The following DNMBP variants were observed in gnomAD, a reference collection of about 807,000 sequenced individuals.
DNMBP encodes the protein dynamin-binding protein.
Under a neutral mutation model 150.0 loss-of-function variants are expected in DNMBP, and 87 were observed. The ratio of observed to expected loss-of-function variants is 0.58; its 90% CI spans 0.49 to 0.69. The LOEUF is 0.69. DNMBP is among the 30% of genes least tolerant of loss of function. DNMBP has a pLI of 0.00. For synonymous variants in DNMBP, 711 were observed against 750.4 expected, an observed-to-expected ratio of 0.95 and a Z score of 0.86; for missense variants, 1,774 against 1,949.0, an observed-to-expected ratio of 0.91 and a Z score of 1.69.
intron 4 of DNMBP, among the ~76,000 whole-genome samples, chr10:99,945,175 C>CA (rs947720324): frequency 4.7e-4 from 71 of 150,992 alleles, no homozygotes; most frequent in South Asian, 1.0e-3. Context: ...AAATCAAAAA[C>CA]AAAAAAAACA....
At chr10:99,968,749 C>T (rs111653482) in intron 3 of DNMBP, among the ~76,000 whole-genome samples, 1 of 151,120 alleles carries the variant, frequency 6.6e-6, no homozygotes, top group Non-Finnish European at 1.5e-5. Flanking sequence ...AGCATGGGGG[C>T]ATTGGAAAGA....
intron 4 of DNMBP, among the ~76,000 whole-genome samples, chr10:99,931,798 T>G (rs1216813792): frequency 6.6e-6 from 1 of 152,144 alleles, no homozygotes; most frequent in Non-Finnish European, 1.5e-5. Context: ...TAAAGAAAGA[T>G]CTAATGTGAT....
At chr10:99,997,919 C>A (rs1393889810) in intron 1 of DNMBP, among the ~76,000 whole-genome samples, 1 of 94,078 alleles carries the variant, frequency 1.1e-5, no homozygotes, top group Non-Finnish European at 1.9e-5. Flanking sequence ...CAGAATGAGA[C>A]TCTGTCTCAA....
rs2040506773 is a variant in DNMBP, at chr10:99,957,032, C to T, written c.442G>A (p.Gly148Arg). Residue 148 changes from glycine (G) to arginine (R), a missense_variant, in exon 4 of 17, where the codon GGA becomes AGA. By Grantham distance (125) the Gly-to-Arg change is moderately radical (BLOSUM62 -2). Coordinates refer to ENST00000324109, the MANE Select transcript of DNMBP (RefSeq NM_015221.4). ...ALFQIPEYSMGQARALMGLSA... is the reference protein window; with the variant it reads ...ALFQIPEYSMRQARALMGLSA... Reference sequence around the variant, plus strand: ...AGCCCCATTAGGGCCCGGGCTTGTCCCATGGAATATTCCGGAATCTGAAAC... The same window carrying T: ...AGCCCCATTAGGGCCCGGGCTTGTCTCATGGAATATTCCGGAATCTGAAAC... The T allele has an allele frequency of 6.2e-7, 1 of 1,614,090 alleles. No homozygotes were observed. The highest frequency in any genetic ancestry group is 1.7e-5 in the Admixed American group (1 of 60,006).
At chr10:99,971,269 A>G (rs1564750502) in intron 2 of DNMBP, among the ~76,000 whole-genome samples, 2 of 152,024 alleles carry the variant, frequency 1.3e-5, no homozygotes, top group Admixed American at 1.3e-4. Flanking sequence ...AGGATTCTGA[A>G]ATTTATTGAC....
chr10:99,882,214 G>A (rs1376665192), intron 15 of DNMBP, among the ~76,000 whole-genome samples: 1 of 152,166 alleles, frequency 6.6e-6, no homozygotes, highest in East Asian at 1.9e-4. Context: ...AGAGGCTGGG[G>A]GTGGTGGAAG....
rs75466655 is a variant in DNMBP at position 99,913,301 on chromosome 10, A to G, written c.2261-4155T>C. Among the ~76,000 whole-genome samples, 15 of 152,218 alleles carry G rather than the reference A, an allele frequency of 9.9e-5. No individual in the cohort carries two copies. In the East Asian group the frequency reaches 1.7e-3, roughly 18 times the overall value. ...TCTTGGCCTCAATTTCCCAATCTAT[A>G]AAATGAGGATAATAATACTTGCTTT... On this transcript the variant is annotated intron_variant, in intron 4 of 16. Transcript: ENST00000324109.
intron 4 of DNMBP, among the ~76,000 whole-genome samples, chr10:99,924,042 T>G (rs917513290): frequency 7.2e-5 from 11 of 152,120 alleles, no homozygotes; most frequent in Non-Finnish European, 1.0e-4. Flanking sequence ...TAATCCCAGC[T>G]ACTCGGGAGG....
At chr10:99,998,002 A>G (rs1486456501) in intron 1 of DNMBP, among the ~76,000 whole-genome samples, 1 of 148,650 alleles carries the variant, frequency 6.7e-6, no homozygotes, top group Admixed American at 6.8e-5. Flanking sequence ...TTGGGAGGCC[A>G]AGGTGGGCAG....
intron 3 of DNMBP, among the ~76,000 whole-genome samples, chr10:99,965,717 G>A (rs984709831): frequency 2.0e-5 from 3 of 151,952 alleles, no homozygotes; most frequent in African/African-American, 7.3e-5. Context: ...GGCTGGTCTC[G>A]AACTCCTTAC....
At position 99,955,696 on chromosome 10, in the gene DNMBP, G is replaced by A. The variant is rs111969797; in HGVS notation, c.1778C>T (p.Ser593Leu). 6.6e-4 allele frequency: 1,066 copies of A among 1,614,216 alleles called. No individual in the cohort carries two copies. The highest frequency in any genetic ancestry group is 5.9e-3 in the African/African-American group (442 of 75,074). The change falls in exon 4 of 17, where the codon TCA (serine) becomes TTA (leucine). Residue 593 changes from serine to leucine, a missense_variant. Coordinates refer to ENST00000324109, the MANE Select transcript of DNMBP (RefSeq NM_015221.4). ...NSEKDIVRGS[S>L]KLITEQELPE... is the part of the protein sequence containing the mutation. ...CAGCTCCTGCTCGGTGATTAACTTT[G>A]AGGAACCTCGGACAATATCCTTCTC...
intron 11 of DNMBP, 115 bp from the exon 12 acceptor site, chr10:99,889,068 T>C (rs1037647179): frequency 3.3e-6 from 4 of 1,219,114 alleles, no homozygotes; most frequent in Non-Finnish European, 4.5e-6. Context: ...TTTGAAATTT[T>C]CTAACTAGTC....
intron 6 of DNMBP, among the ~76,000 whole-genome samples, chr10:99,903,105 T>TTC (rs2039770627): frequency 6.7e-6 from 1 of 149,042 alleles, no homozygotes; most frequent in Admixed American, 6.7e-5. Context: ...TGGGCAATTT[T>TTC]TTTTTTTTTT....
At chr10:99,965,211 A>G (rs1030230491) in intron 3 of DNMBP, among the ~76,000 whole-genome samples, 1 of 152,094 alleles carries the variant, frequency 6.6e-6, no homozygotes, top group African/African-American at 2.4e-5. Context: ...TAGGTATTAT[A>G]TTATTATCCT....
chr10:99,907,999 A>C lies in DNMBP; in HGVS notation c.2550T>G (p.Ala850=). 1 of 1,613,376 alleles carries C rather than the reference A, an allele frequency of 6.2e-7. No individual in the cohort carries two copies. Among genetic ancestry groups the C allele is most frequent in the Non-Finnish European group, 8.5e-7 (1 of 1,179,364 alleles). Residue 850 remains alanine (A), a synonymous_variant, in exon 6 of 17, where the codon GCT becomes GCG. Coordinates refer to ENST00000324109, the MANE Select transcript of DNMBP (RefSeq NM_015221.4). The part of the protein sequence containing the change: ...QLLAALEISD[A]VGPVFLGHRD... ...AAACAACACAGGAGCTCATACCTAC[A>C]GCATCGCTGATTTCCAGAGCAGCCA...
At position 99,955,713 on chromosome 10, in the gene DNMBP, A is replaced by G; in HGVS notation, c.1761T>C (p.Asp587=). ...TTAACTTTGAGGAACCTCGGACAATATCCTTCTCAGAGTTAAAGTCCATGA... is the reference window on the plus strand; with the variant it reads ...TTAACTTTGAGGAACCTCGGACAATGTCCTTCTCAGAGTTAAAGTCCATGA... ...FSIMDFNSEK[D]IVRGSSKLIT... Residue 587 remains aspartate (D), a synonymous_variant, in exon 4 of 17, where the codon GAT becomes GAC. Transcript: ENST00000324109. 1 of 1,614,206 alleles carries G rather than the reference A, an allele frequency of 6.2e-7. No individual in the cohort carries two copies. The highest frequency in any genetic ancestry group is 8.5e-7 in the Non-Finnish European group (1 of 1,180,038).
chr10:99,936,917 G>A lies in DNMBP; in HGVS notation c.2260+18297C>T, dbSNP rs535994878. ...AACCTTCTTTTATTTCTTATTCTTT[G>A]AGACAGAGTGTTACTCTGTCACCCA... is the stretch of plus-strand genomic sequence containing the variant. On this transcript the variant is annotated intron_variant, in intron 4 of 16. Coordinates refer to ENST00000324109, the MANE Select transcript of DNMBP (RefSeq NM_015221.4). Among the ~76,000 whole-genome samples the A allele has an allele frequency of 2.0e-5, 3 of 151,828 alleles. No homozygotes were observed. In the East Asian group the frequency reaches 5.8e-4, roughly 30 times the overall value.
chr10:99,987,141 C>T lies in DNMBP; in HGVS notation c.-10-15007G>A, dbSNP rs183604966. On this transcript the variant is annotated intron_variant, in intron 1 of 16. Coordinates refer to ENST00000324109, the MANE Select transcript of DNMBP (RefSeq NM_015221.4). ...CTGCACTCTAGCCTGGGCGACAGAGCAAGACTCCATCTCAAAAAAAAAAAA... is the reference window on the plus strand; with the variant it reads ...CTGCACTCTAGCCTGGGCGACAGAGTAAGACTCCATCTCAAAAAAAAAAAA... Among the ~76,000 whole-genome samples the T allele has an allele frequency of 7.0e-3, 923 of 131,634 alleles. 9 individuals are homozygous for T. The highest frequency in any genetic ancestry group is 0.058 in the East Asian group (274 of 4,752). 86.4% of individuals were successfully genotyped at this position (131,634 alleles called of 152,430 possible). A position where few individuals can be genotyped will look rare whatever the true frequency, so the allele number is the denominator to read the frequency against.
chr10:99,957,442 T>C lies in DNMBP; in HGVS notation c.269-237A>G, dbSNP rs142173775. ...GGGTCTCCAAGATCCTAGCAGAGAA[T>C]CTGTGAGGTCAAAACCATTCTCATA... On this transcript the variant is annotated intron_variant, in intron 3 of 16. Coordinates refer to ENST00000324109, the MANE Select transcript of DNMBP (RefSeq NM_015221.4). 81 of 563,542 alleles carry C rather than the reference T, an allele frequency of 1.4e-4. No individual in the cohort carries two copies. The East Asian group carries it at 2.4e-3, about 16-fold the overall frequency. 34.9% of individuals were successfully genotyped at this position (563,542 alleles called of 1,614,324 possible).
Sources: gnomAD v4.1 joint callset for allele counts (sites outside exome capture counted in the v4.1 genomes callset) on GRCh38, gnomAD v4.1.1 for gene constraint, MANE v1.5 for transcripts, NCBI Gene and HGNC (gene_info 2026-07-23, HGNC 2026-07-21) for gene names.